Variants in PSD2 observed in about 807,000 individuals in gnomAD.
The protein encoded by PSD2 is PH and SEC7 domain-containing protein 2.
Under a neutral mutation model 69.8 loss-of-function variants are expected in PSD2, and 38 were observed. The observed-to-expected ratio is 0.54, with a 90% CI of 0.42 to 0.71. The LOEUF (loss-of-function observed/expected upper bound fraction) is 0.71, where lower values mean the gene tolerates loss of function less well. Among genes scored for constraint, PSD2 ranks in the 30% least tolerant of loss-of-function variants. The pLI is 0.00. For synonymous variants in PSD2, 412 were observed against 423.0 expected, an observed-to-expected ratio of 0.97 and a Z score of 0.32; for missense variants, 943 against 1,014.5, an observed-to-expected ratio of 0.93 and a Z score of 0.96.
chr5:139,783,620 A>AG, the PSD2 span, among the ~76,000 whole-genome samples: 24 of 152,298 alleles, frequency 1.6e-4, no homozygotes, highest in Non-Finnish European at 2.8e-4. Flanking sequence ...AATTGTAGAC[A>AG]GGGTCTTGCT....
At chr5:139,791,525 T>C (rs575456724), upstream of PSD2, among the ~76,000 whole-genome samples, 1 of 152,174 alleles carries the variant, frequency 6.6e-6, no homozygotes, top group East Asian at 1.9e-4. Context: ...AAAGGGCATT[T>C]ATGAAAAACC....
At chr5:139,824,394 GTT>G (rs3055525) in intron 7 of PSD2, among the ~76,000 whole-genome samples, 5 of 119,400 alleles carry the variant, frequency 4.2e-5, no homozygotes, top group East Asian at 2.4e-4. Context: ...TCTCTCTCTT[GTT>G]TTTTTTTTTT....
At chr5:139,776,553 A>G in the PSD2 span, among the ~76,000 whole-genome samples, 1 of 152,196 alleles carries the variant, frequency 6.6e-6, no homozygotes. Context: ...TTGAGGGGCC[A>G]TAAAGTCAGT....
the PSD2 span, among the ~76,000 whole-genome samples, chr5:139,789,125 G>T: frequency 6.6e-6 from 1 of 152,198 alleles, no homozygotes; most frequent in African/African-American, 2.4e-5. Context: ...CAGGGTTGCG[G>T]CCCAGGCATG....
At chr5:139,794,774 G>C (rs944945003), upstream of PSD2, among the ~76,000 whole-genome samples, 1 of 152,276 alleles carries the variant, frequency 6.6e-6, no homozygotes, top group Middle Eastern at 3.4e-3. Flanking sequence ...CAGGCACTGG[G>C]CCTGCTCCCC....
chr5:139,790,765 G>A, the PSD2 span, among the ~76,000 whole-genome samples: 3 of 152,148 alleles, frequency 2.0e-5, no homozygotes, highest in Admixed American at 1.3e-4. Flanking sequence ...GGCCATGGCC[G>A]GGTGCTGTGG....
At chr5:139,802,807 G>A (rs1297929516) in intron 1 of PSD2, among the ~76,000 whole-genome samples, 1 of 152,198 alleles carries the variant, frequency 6.6e-6, no homozygotes, top group Non-Finnish European at 1.5e-5. Context: ...CTGGGGGGTT[G>A]GGGAGAGAAG....
At chr5:139,819,936 G>A (rs1760215880) in intron 5 of PSD2, among the ~76,000 whole-genome samples, 1 of 152,198 alleles carries the variant, frequency 6.6e-6, no homozygotes, top group African/African-American at 2.4e-5. Flanking sequence ...AGAAGGTACT[G>A]GCTGCAAAGC....
the PSD2 span, among the ~76,000 whole-genome samples, chr5:139,776,788 C>T: frequency 6.6e-6 from 1 of 152,072 alleles, no homozygotes; most frequent in Non-Finnish European, 1.5e-5. Flanking sequence ...CCTTCCTCAG[C>T]CTCCTGAGTA....
At position 139,836,938 on chromosome 5, in the gene PSD2, G is replaced by T. The variant is rs763299011; in HGVS notation, c.1531G>T (p.Ala511Ser). Residue 511 changes from alanine to serine, a missense_variant, in exon 10 of 15, where the codon GCC (alanine) becomes TCC (serine). Transcript: ENST00000274710. ...CCTGGATGTCCCACAGGCGCTCAGT[G>T]CCACCACCTACAAGCACGGCGTCCT... ...PFLDVPQALS[A>S]TTYKHGVLTR... The T allele has an allele frequency of 1.2e-6, 2 of 1,614,048 alleles. No homozygotes were observed. Among genetic ancestry groups the T allele is most frequent in the African/African-American group, 1.3e-5 (1 of 74,936 alleles).
intron 5 of PSD2, among the ~76,000 whole-genome samples, chr5:139,819,043 T>C (rs1260942032): frequency 1.3e-5 from 2 of 152,224 alleles, no homozygotes; most frequent in Non-Finnish European, 2.9e-5. Context: ...GTTTCTATTG[T>C]CTCTTTTTTC....
the PSD2 span, among the ~76,000 whole-genome samples, chr5:139,756,333 C>T: frequency 3.9e-5 from 6 of 152,242 alleles, no homozygotes; most frequent in Admixed American, 6.5e-5. Flanking sequence ...GGATCAAAGC[C>T]GGGGCCGCGG....
the PSD2 span, among the ~76,000 whole-genome samples, chr5:139,757,481 G>A: frequency 1.2e-4 from 19 of 152,310 alleles, no homozygotes; most frequent in East Asian, 3.3e-3. Flanking sequence ...AGACTCAAGG[G>A]GGGTAGTGTC....
the PSD2 span, among the ~76,000 whole-genome samples, chr5:139,781,348 T>C: frequency 6.6e-6 from 1 of 152,094 alleles, no homozygotes; most frequent in Non-Finnish European, 1.5e-5. Flanking sequence ...CTTTTTTTTT[T>C]TTTCTGAGAC....
chr5:139,811,947 C>T (rs1759979255), intron 2 of PSD2, among the ~76,000 whole-genome samples: 6 of 152,084 alleles, frequency 3.9e-5, no homozygotes, highest in Admixed American at 6.6e-5. Context: ...CTCTCGTATC[C>T]CTTTCCTCTG....
the PSD2 span, among the ~76,000 whole-genome samples, chr5:139,763,504 C>G: frequency 6.6e-6 from 1 of 152,182 alleles, no homozygotes; most frequent in South Asian, 2.1e-4. Flanking sequence ...CCGAGTGGGC[C>G]CACTTGTCCC....
chr5:139,819,394 C>T (rs1241735113), intron 5 of PSD2, among the ~76,000 whole-genome samples: 2 of 152,236 alleles, frequency 1.3e-5, no homozygotes, highest in African/African-American at 4.8e-5. Context: ...ACACTGCCCC[C>T]TCTTCAACAA....
At chr5:139,794,601 A>ACAGCAGGAT (rs1255955243), upstream of PSD2, among the ~76,000 whole-genome samples, 3 of 152,222 alleles carry the variant, frequency 2.0e-5, no homozygotes, top group African/African-American at 7.2e-5. Flanking sequence ...TTCACTGAGC[A>ACAGCAGGAT]CAGCAGGATC....
At chr5:139,752,905 A>G in the PSD2 span, among the ~76,000 whole-genome samples, 2 of 151,308 alleles carry the variant, frequency 1.3e-5, no homozygotes, top group African/African-American at 4.9e-5. Context: ...CCCTCCTGCT[A>G]CAACCCTGGC....
Sources: gnomAD v4.1 joint callset for allele counts (sites outside exome capture counted in the v4.1 genomes callset) on GRCh38, gnomAD v4.1.1 for gene constraint, MANE v1.5 for transcripts, NCBI Gene and HGNC (gene_info 2026-07-23, HGNC 2026-07-21) for gene names.